Variants in XPC observed in about 807,000 individuals in gnomAD.
The protein encoded by XPC is DNA repair protein complementing XP-C cells.
A neutral mutation model predicts 95.8 loss-of-function variants in XPC; 76 were observed. The observed-to-expected ratio is 0.79, with a 90% confidence interval of 0.66 to 0.96. XPC has a LOEUF of 0.96. Among genes scored for constraint, XPC ranks in the 40% least tolerant of loss-of-function variants. The pLI, the probability that XPC is intolerant of heterozygous loss-of-function variation, is 0.00. For synonymous variants in XPC, 442 were observed against 442.1 expected (o/e 1.00, Z 0.00); for missense variants, 1,146 against 1,179.8 (o/e 0.97, Z 0.42).
intron 1 of XPC, among the ~76,000 whole-genome samples, chr3:14,176,189 G>A (rs181015478): frequency 9.9e-5 from 15 of 152,190 alleles, no homozygotes; most frequent in African/African-American, 3.6e-4. Context: ...AGCTGGAACC[G>A]AGGTGAAGTG....
rs200570610 is a variant in XPC at position 14,178,572 on chromosome 3, G to A, written c.-4C>T. The A allele has an allele frequency of 2.7e-5, 44 of 1,612,574 alleles. 1 individual carries two copies. Among genetic ancestry groups the A allele is most frequent in the Non-Finnish European group, 3.3e-5 (39 of 1,179,132 alleles). On this transcript the variant is annotated 5_prime_UTR_variant, in exon 1 of 16. Transcript: ENST00000285021. Reference sequence around the variant, plus strand: ...CGGCCGCGCGTTTCCGAGCCATGTTGCTTGTCTGGGCAAATTCCACTTCGC... The same window carrying A: ...CGGCCGCGCGTTTCCGAGCCATGTTACTTGTCTGGGCAAATTCCACTTCGC...
intron 11 of XPC, 40 bp downstream of exon 11, chr3:14,152,295 G>A (rs752074034): frequency 1.3e-6 from 2 of 1,581,980 alleles, no homozygotes; most frequent in East Asian, 4.6e-5. Flanking sequence ...CTACAGGCCT[G>A]TGTCACCACT....
rs1427135900 is a variant in XPC at position 14,173,042 on chromosome 3, G to A, written c.124C>T (p.Pro42Ser). ...TTGGAGAGAAGGCTCTTCTTTGGGG[G>A]TTTCTCATCTTCAAAGGCATCTAGG... Reference protein sequence around the residue: ...EEEDAFEDEKPPKKSLLSKVS... With the variant: ...EEEDAFEDEKSPKKSLLSKVS... The change falls in exon 2 of 16, where the codon CCC becomes TCC. Residue 42 changes from proline to serine, a missense_variant. Pro to Ser is a moderately conservative substitution (Grantham distance 74). Transcript: ENST00000285021. 3.8e-6 allele frequency: 6 copies of A among 1,591,840 alleles called. No individual in the cohort carries two copies. The highest frequency in any genetic ancestry group is 1.8e-5 in the Admixed American group (1 of 55,808).
Position 14,146,110 on chromosome 3 carries a change from T to G in XPC, c.2654A>C (p.Asp885Ala). The G allele has an allele frequency of 6.2e-7, 1 of 1,611,816 alleles. No individual in the cohort carries two copies. Among genetic ancestry groups the G allele is most frequent in the South Asian group, 1.1e-5 (1 of 90,882 alleles). Residue 885 changes from aspartate (D) to alanine (A), a missense_variant, in exon 16 of 16, where the codon GAT (aspartate) becomes GCT (alanine). Coordinates refer to ENST00000285021, the MANE Select transcript of XPC (RefSeq NM_004628.5). ...TTGAGAGCTGGTCCCCTCCTCTTCA[T>G]CAGAAGAGAGTCCACCTCCTGCATC... ...HTDAGGGLSS[D>A]EEEGTSSQAE... is the part of the protein sequence containing the mutation.
At chr3:14,147,461 A>G (rs1695487545) in intron 14 of XPC, 82 bp from the exon 15 acceptor site, 4 of 1,331,680 alleles carry the variant, frequency 3.0e-6, no homozygotes, top group Admixed American at 4.1e-5. Flanking sequence ...CTGTGAATGT[A>G]AAGACAGATA....
At position 14,158,256 on chromosome 3, in the gene XPC, C is replaced by A; in HGVS notation, c.1627G>T (p.Val543Leu). ...ACACCGTGCACACAGTCTACACATA[C>A]CCACTTTTCCTCCTGCTCACAGAAC... Reference protein sequence around the residue: ...EVFCEQEEKWVCVDCVHGVVG... With the variant: ...EVFCEQEEKWLCVDCVHGVVG... The change falls in exon 9 of 16, where the codon GTA becomes TTA. Residue 543 changes from valine to leucine, a missense_variant. Coordinates refer to ENST00000285021, the MANE Select transcript of XPC (RefSeq NM_004628.5). The surrounding 1 kb of genome is among the most constrained non-coding windows in gnomAD (Gnocchi z 5.2). The A allele has an allele frequency of 6.2e-7, 1 of 1,614,030 alleles. No homozygotes were observed. Among genetic ancestry groups the A allele is most frequent in the Non-Finnish European group, 8.5e-7 (1 of 1,179,900 alleles).
At chr3:14,169,232 T>C (rs762070895) in intron 3 of XPC, among the ~76,000 whole-genome samples, 2 of 152,198 alleles carry the variant, frequency 1.3e-5, no homozygotes, top group Non-Finnish European at 2.9e-5. Flanking sequence ...AACCTGACAT[T>C]AGAGGTGGCT....
intron 1 of XPC, among the ~76,000 whole-genome samples, chr3:14,174,392 T>A (rs1027238052): frequency 6.6e-6 from 1 of 152,214 alleles, no homozygotes; most frequent in African/African-American, 2.4e-5. Flanking sequence ...GTTAGCCCTC[T>A]AATAATAGGC....
chr3:14,163,789 C>T (rs1434048911), intron 7 of XPC, among the ~76,000 whole-genome samples: 4 of 152,186 alleles, frequency 2.6e-5, no homozygotes, highest in Non-Finnish European at 5.9e-5. Context: ...TACATACGTA[C>T]ACACATACAC....
At position 14,147,222 on chromosome 3, in the gene XPC, C is replaced by T. The variant is rs1004868039; in HGVS notation, c.2604+68G>A. 19 of 1,500,554 alleles carry T rather than the reference C, an allele frequency of 1.3e-5. No individual in the cohort carries two copies. In the African/African-American group the frequency reaches 2.5e-4, roughly 20 times the overall value. The allele number at this position is 1,500,554 out of a possible 1,614,324, so 93.0% of individuals were successfully genotyped here. A position where few individuals can be genotyped will look rare whatever the true frequency, so the allele number is the denominator to read the frequency against. Reference sequence around the variant, plus strand: ...AGGCTGGGGCAGAATCTGGGCCAGGCCTTTCTGAGCTGCATCTCCAAGAAA... The same window carrying T: ...AGGCTGGGGCAGAATCTGGGCCAGGTCTTTCTGAGCTGCATCTCCAAGAAA... On this transcript the variant is annotated intron_variant, in intron 15 of 15. Transcript: ENST00000285021.
rs1301053230 is a variant in XPC, at chr3:14,167,237, C to T, written c.553G>A (p.Glu185Lys). Residue 185 changes from glutamate (E) to lysine (K), a missense_variant, in exon 5 of 16, where the codon GAG (glutamate) becomes AAG (lysine). Physicochemically the swap from Glu to Lys is moderately conservative, Grantham distance 56. Transcript: ENST00000285021. ...TRERSEKIKL[E>K]FETYLRRAMK... ...GCCCTCCGAAGATATGTCTCAAACT[C>T]CAGTTTTATCTTTTCACTGCAACAA... 2 of 1,611,676 alleles carry T rather than the reference C, an allele frequency of 1.2e-6. No homozygotes were observed. The highest frequency in any genetic ancestry group is 2.7e-5 in the African/African-American group (2 of 74,826).
At chr3:14,160,867 A>G (rs1194742162) in intron 7 of XPC, among the ~76,000 whole-genome samples, 1 of 152,194 alleles carries the variant, frequency 6.6e-6, no homozygotes, top group African/African-American at 2.4e-5. Flanking sequence ...TGACTTCCCT[A>G]AGCCTGGATT....
rs1304812074 is a variant in XPC, at chr3:14,158,132, C to T, written c.1751G>A (p.Arg584Lys). 1.2e-6 allele frequency: 2 copies of T among 1,613,974 alleles called. No individual in the cohort carries two copies. Among genetic ancestry groups the T allele is most frequent in the African/African-American group, 1.3e-5 (1 of 75,040 alleles). Residue 584 changes from arginine (R) to lysine (K), a missense_variant, in exon 9 of 16, where the codon AGG becomes AAG. By Grantham distance (26) the Arg-to-Lys change is conservative. Coordinates refer to ENST00000285021, the MANE Select transcript of XPC (RefSeq NM_004628.5). The surrounding 1 kb of genome is among the most constrained non-coding windows in gnomAD (Gnocchi z 5.2). ...SDGWVRDVTQ[R>K]YDPVWMTVTR... ...CACTGTCATCCAGACTGGGTCGTACCTCTGTGTGACATCTCGGACCCAGCC... is the reference window on the plus strand; with the variant it reads ...CACTGTCATCCAGACTGGGTCGTACTTCTGTGTGACATCTCGGACCCAGCC...
chr3:14,163,251 G>A (rs1696233312), intron 7 of XPC, among the ~76,000 whole-genome samples: 1 of 151,984 alleles, frequency 6.6e-6, no homozygotes, highest in Non-Finnish European at 1.5e-5. Flanking sequence ...TTCAATCCTA[G>A]GTATATACCC....
intron 4 of XPC, among the ~76,000 whole-genome samples, chr3:14,167,644 T>G (rs988255727): frequency 1.2e-4 from 18 of 152,226 alleles, no homozygotes; most frequent in African/African-American, 4.3e-4. Context: ...GTGACACTGT[T>G]CTAGTGTAAA....
chr3:14,164,955 C>T (rs1276339653), intron 6 of XPC, 22 bp from the exon 7 acceptor site: 3 of 1,602,798 alleles, frequency 1.9e-6, no homozygotes, highest in African/African-American at 1.3e-5. Context: ...GCAGGCATTC[C>T]TTGTGTCAGA....
At chr3:14,148,785 G>A in intron 12 of XPC, 29 bp downstream of exon 12, 1 of 1,613,772 alleles carries the variant, frequency 6.2e-7, no homozygotes, top group Non-Finnish European at 8.5e-7. Context: ...AGGCGGCCTG[G>A]TCCTGAGCCC....
At chr3:14,172,041 G>A (rs1480005598) in intron 2 of XPC, among the ~76,000 whole-genome samples, 1 of 152,106 alleles carries the variant, frequency 6.6e-6, no homozygotes, top group Non-Finnish European at 1.5e-5. Context: ...CTATCCCTCT[G>A]TTCTTCCTCT....
chr3:14,150,366 T>C (rs1017411450), intron 11 of XPC, among the ~76,000 whole-genome samples: 2 of 152,226 alleles, frequency 1.3e-5, no homozygotes, highest in Admixed American at 1.3e-4. Context: ...TTCTCATTCT[T>C]ATAACCCTTT....
Sources: allele counts gnomAD v4.1 joint callset (sites outside exome capture counted in the v4.1 genomes callset), GRCh38; gene constraint gnomAD v4.1.1; non-coding constraint Gnocchi (gnomAD v3.1); transcripts MANE v1.5; gene names NCBI Gene and HGNC (gene_info 2026-07-23, HGNC 2026-07-21).